RPL15: variants seen among roughly 807,000 people sequenced by gnomAD.
The protein encoded by RPL15 is large ribosomal subunit protein eL15.
For missense variants in RPL15, 161 were observed against 271.8 expected (o/e 0.59, Z 2.87); for synonymous variants, 97 against 95.1 (o/e 1.02, Z -0.12).
At chr3:23,918,623 G>A (rs2125253723) in intron 3 of RPL15, 47 bp downstream of exon 3, 2 of 1,585,356 alleles carry the variant, frequency 1.3e-6, no homozygotes, top group Non-Finnish European at 1.7e-6. Flanking sequence ...CCTGGGGATG[G>A]TGGGAGAGAG....
intron 1 of RPL15, 77 bp downstream of exon 1, chr3:23,917,250 C>G (rs911474181): frequency 6.6e-6 from 1 of 152,522 alleles, no homozygotes; most frequent in African/African-American, 2.4e-5. Context: ...GTCCGGGGAC[C>G]CTGCGTCCTC....
At position 23,917,960 on chromosome 3, in the gene RPL15, C is replaced by G; in HGVS notation, c.101C>G (p.Ser34Cys). Residue 34 changes from serine (S) to cysteine (C), a missense_variant, in exon 2 of 4, where the codon TCT (serine) becomes TGT (cysteine). Coordinates refer to ENST00000307839, the MANE Select transcript of RPL15 (RefSeq NM_002948.5). ...CGCTGCTGGCAGTACCGCCAGCTCT[C>G]TGCTCTCCACAGGGCTCCCCGCCCC... ...RVRCWQYRQL[S>C]ALHRAPRPTR... is the part of the protein sequence containing the mutation. The G allele has an allele frequency of 6.2e-7, 1 of 1,613,862 alleles. No individual in the cohort carries two copies. Among genetic ancestry groups the G allele is most frequent in the Non-Finnish European group, 8.5e-7 (1 of 1,179,846 alleles).
Position 23,920,130 on chromosome 3 carries a change from A to G in RPL15, c.*629A>G, listed in dbSNP as rs11129128. 0.089 allele frequency: 87,445 copies of G among 985,308 alleles called. 5,367 individuals are homozygous for G. Among genetic ancestry groups the G allele is most frequent in the African/African-American group, 0.29 (16,437 of 57,256 alleles). The allele number at this position is 985,308 out of a possible 1,614,324, so 61.0% of individuals were successfully genotyped here. A position where few individuals can be genotyped will look rare whatever the true frequency, so the allele number is the denominator to read the frequency against. On this transcript the variant is annotated 3_prime_UTR_variant, in exon 4 of 4. Coordinates refer to ENST00000307839, the MANE Select transcript of RPL15 (RefSeq NM_002948.5). The stretch of plus-strand genomic sequence containing the variant: ...TAGCCTTAAGATTGGTAAGCTAGCA[A>G]TGAATGCTAGGGTGGGAAGCTGGTG...
rs1705028872 is a variant in RPL15, at chr3:23,920,674, T to C, written c.*1173T>C. Reference sequence around the variant, plus strand: ...TGAACCAATTTTCTCCTATCTTCTCTAGGGGTTTCAAAAGACTCAGTTAAT... The same window carrying C: ...TGAACCAATTTTCTCCTATCTTCTCCAGGGGTTTCAAAAGACTCAGTTAAT... On this transcript the variant is annotated 3_prime_UTR_variant, in exon 4 of 4. Transcript: ENST00000307839. 1.0e-6 allele frequency: 1 copy of C among 985,194 alleles called. No individual in the cohort carries two copies. Among genetic ancestry groups the C allele is most frequent in the South Asian group, 4.7e-5 (1 of 21,294 alleles). 61.0% of individuals were successfully genotyped at this position (985,194 alleles called of 1,614,324 possible).
chr3:23,919,101 C>T, intron 3 of RPL15, 95 bp from the exon 4 acceptor site: 2 of 806,120 alleles, frequency 2.5e-6, no homozygotes, highest in Non-Finnish European at 4.2e-6. Context: ...AGACTCTTGT[C>T]TGGTGGTGAA....
chr3:23,921,295 T>G (rs1705067373), downstream of RPL15, among the ~76,000 whole-genome samples: 1 of 152,196 alleles, frequency 6.6e-6, no homozygotes. Context: ...ATCATGGCAC[T>G]CCCGTGCAAA....
chr3:23,917,739 T>G (rs1704725191), intron 1 of RPL15, 111 bp from the exon 2 acceptor site: 2 of 1,147,334 alleles, frequency 1.7e-6, no homozygotes, highest in African/African-American at 1.6e-5. Context: ...TGCAGAGCCA[T>G]TTTCATTCCC....
rs1037529719 is a variant in RPL15, at chr3:23,919,602, T to C, written c.*101T>C. 19 of 1,423,842 alleles carry C rather than the reference T, an allele frequency of 1.3e-5. No individual in the cohort carries two copies. The highest frequency in any genetic ancestry group is 1.7e-5 in the Non-Finnish European group (19 of 1,093,116). The allele number at this position is 1,423,842 out of a possible 1,614,324, so 88.2% of individuals were successfully genotyped here. ...CTGTTAAAACTAGTCTGCAGATGTT[T>C]CTTGAATGCTTTGTCAAATTAAGAA... On this transcript the variant is annotated 3_prime_UTR_variant, in exon 4 of 4. Transcript: ENST00000307839.
rs369956511 is a variant in RPL15, at chr3:23,918,036, G to A, written c.172+5G>A. 86 of 1,604,060 alleles carry A rather than the reference G, an allele frequency of 5.4e-5. No homozygotes were observed. In the East Asian group the frequency reaches 6.3e-4, roughly 12 times the overall value. On this transcript the variant is annotated splice_donor_5th_base_variant and intron_variant, in intron 2 of 3. Coordinates refer to ENST00000307839, the MANE Select transcript of RPL15 (RefSeq NM_002948.5). ...TGGGCTACAAGGCCAAGCAAGGTAC[G>A]TGATCGACTGCGTGGATGCTTGGAT...
downstream of RPL15, chr3:23,921,956 T>C: frequency 4.3e-6 from 1 of 233,168 alleles, no homozygotes; most frequent in Non-Finnish European, 8.3e-6. Flanking sequence ...CAATCCTGCC[T>C]TGGCCTCCCA....
chr3:23,919,916 A>G lies in RPL15; in HGVS notation c.*415A>G, dbSNP rs1704977973. ...GTTTTTTTTAGTTTGGCAGGTGTAGACTTTTTAAGTTGGGCTTTAGAAAAT... is the reference window on the plus strand; with the variant it reads ...GTTTTTTTTAGTTTGGCAGGTGTAGGCTTTTTAAGTTGGGCTTTAGAAAAT... On this transcript the variant is annotated 3_prime_UTR_variant, in exon 4 of 4. Coordinates refer to ENST00000307839, the MANE Select transcript of RPL15 (RefSeq NM_002948.5). 1.0e-6 allele frequency: 1 copy of G among 990,734 alleles called. No homozygotes were observed. The highest frequency in any genetic ancestry group is 1.7e-5 in the African/African-American group (1 of 57,328). The allele number at this position is 990,734 out of a possible 1,614,324, so 61.4% of individuals were successfully genotyped here.
chr3:23,918,988 G>T, intron 3 of RPL15: 1 of 592,456 alleles, frequency 1.7e-6, no homozygotes, highest in African/African-American at 1.9e-5. Flanking sequence ...AAGAGGGAAT[G>T]ATGTGTTTCA....
At chr3:23,917,675 C>T in intron 1 of RPL15, 175 bp from the exon 2 acceptor site, 3 of 614,350 alleles carry the variant, frequency 4.9e-6, no homozygotes, top group Non-Finnish European at 8.4e-6. Context: ...AGTGACTGAA[C>T]GCGGCTCCGT....
chr3:23,919,849 G>T lies in RPL15; in HGVS notation c.*348G>T. 5 of 1,019,664 alleles carry T rather than the reference G, an allele frequency of 4.9e-6. No homozygotes were observed. The highest frequency in any genetic ancestry group is 5.9e-6 in the Non-Finnish European group (5 of 852,478). 63.2% of individuals were successfully genotyped at this position (1,019,664 alleles called of 1,614,324 possible). ...TGTGATGAAACCTGCAGCTTTATCGGAGTGATGGCAATGCTCTGCTGGTTT... is the reference window on the plus strand; with the variant it reads ...TGTGATGAAACCTGCAGCTTTATCGTAGTGATGGCAATGCTCTGCTGGTTT... On this transcript the variant is annotated 3_prime_UTR_variant, in exon 4 of 4. Transcript: ENST00000307839.
chr3:23,921,088 G>C (rs1011460498), downstream of RPL15: 1 of 152,684 alleles, frequency 6.5e-6, no homozygotes, highest in African/African-American at 2.4e-5. Flanking sequence ...AGACAAGCTG[G>C]AGGATTTGTT....
At chr3:23,924,275 G>A (rs558657807), downstream of RPL15, 5 of 152,260 alleles carry the variant, frequency 3.3e-5, no homozygotes, top group African/African-American at 7.2e-5. Flanking sequence ...ATTTAAAAGC[G>A]TTTTTTATGT....
downstream of RPL15, chr3:23,924,378 C>A (rs1705172513): frequency 6.6e-6 from 1 of 152,212 alleles, no homozygotes; most frequent in Non-Finnish European, 1.5e-5. Flanking sequence ...GCTGCTAGCT[C>A]ATTTCTCCTA....
chr3:23,924,365 G>A (rs1188496381), downstream of RPL15: 3 of 152,170 alleles, frequency 2.0e-5, no homozygotes, highest in African/African-American at 7.2e-5. Flanking sequence ...TAAATTGGAA[G>A]GAGCTGCTAG....
intron 3 of RPL15, 66 bp downstream of exon 3, chr3:23,918,642 C>T: frequency 1.9e-6 from 3 of 1,551,998 alleles, no homozygotes; most frequent in African/African-American, 1.4e-5. Context: ...AGAGATTAAG[C>T]AACTTTTCTG....
Sources: allele counts gnomAD v4.1 joint callset (sites outside exome capture counted in the v4.1 genomes callset), GRCh38; gene constraint gnomAD v4.1.1; transcripts MANE v1.5; gene names NCBI Gene and HGNC (gene_info 2026-07-23, HGNC 2026-07-21).